GRXCR2: variants seen among roughly 807,000 people sequenced by gnomAD.
The protein encoded by GRXCR2 is glutaredoxin domain-containing cysteine-rich protein 2.
A neutral mutation model predicts 24.8 loss-of-function variants in GRXCR2; 23 were observed. That is an observed-to-expected ratio of 0.93 (90% CI 0.67 to 1.32). GRXCR2 has a LOEUF of 1.32. GRXCR2 is among the 40% of genes most tolerant of loss of function. The pLI is 0.00. For synonymous variants in GRXCR2, 130 were observed against 116.1 expected, an observed-to-expected ratio of 1.12 and a Z score of -0.77; for missense variants, 315 against 303.4, an observed-to-expected ratio of 1.04 and a Z score of -0.28.
intron 2 of GRXCR2, among the ~76,000 whole-genome samples, chr5:145,862,928 T>A (rs1485612672): frequency 4.6e-5 from 7 of 152,232 alleles, no homozygotes; most frequent in Non-Finnish European, 5.9e-5. Flanking sequence ...CTATCATGAG[T>A]CCTCAATAAA....
chr5:145,926,387 C>G (rs943026415), intron 2 of GRXCR2, among the ~76,000 whole-genome samples: 1 of 152,226 alleles, frequency 6.6e-6, no homozygotes, highest in African/African-American at 2.4e-5. Flanking sequence ...TTTAATCCAT[C>G]TTGAATTAAT....
upstream of GRXCR2, among the ~76,000 whole-genome samples, chr5:145,875,898 C>T (rs973671837): frequency 3.6e-4 from 54 of 151,692 alleles, no homozygotes; most frequent in African/African-American, 1.2e-3. Context: ...GCATGGTGGC[C>T]CACATCTGTA....
intron 2 of GRXCR2, among the ~76,000 whole-genome samples, chr5:145,905,097 C>T (rs1458975312): frequency 4.6e-5 from 7 of 152,126 alleles, no homozygotes; most frequent in Non-Finnish European, 4.4e-5. Flanking sequence ...AGAGTGATTA[C>T]CAAAAAGCAT....
intron 1 of GRXCR2, among the ~76,000 whole-genome samples, chr5:145,867,442 AT>A (rs1191628713): frequency 3.9e-5 from 6 of 152,186 alleles, no homozygotes; most frequent in South Asian, 2.1e-4. Flanking sequence ...GTTGCAACCT[AT>A]TTTTTCATTA....
At chr5:145,889,692 T>C (rs1464758463) in intron 2 of GRXCR2, among the ~76,000 whole-genome samples, 2 of 152,172 alleles carry the variant, frequency 1.3e-5, no homozygotes, top group African/African-American at 4.8e-5. Context: ...CACCAAAGCA[T>C]TGCATTAGCT....
chr5:145,920,555 G>A (rs1415564252), intron 2 of GRXCR2, among the ~76,000 whole-genome samples: 1 of 152,174 alleles, frequency 6.6e-6, no homozygotes, highest in Non-Finnish European at 1.5e-5. Context: ...ACCAGGATTG[G>A]AATGCAGGTC....
At chr5:145,871,804 T>G (rs923699272) in intron 1 of GRXCR2, among the ~76,000 whole-genome samples, 3 of 152,184 alleles carry the variant, frequency 2.0e-5, no homozygotes, top group African/African-American at 7.2e-5. Flanking sequence ...TGAGAACACA[T>G]CCTGGTGTGC....
Position 145,858,879 on chromosome 5 carries a change from A to T in GRXCR2, c.*854T>A. 1 of 152,194 alleles carries T rather than the reference A, an allele frequency of 6.6e-6. No homozygotes were observed. Among genetic ancestry groups the T allele is most frequent in the East Asian group, 1.9e-4 (1 of 5,192 alleles). The allele number at this position is 152,194 out of a possible 1,614,324, so 9.4% of individuals were successfully genotyped here. The stretch of plus-strand genomic sequence containing the variant: ...TAATTTTTTTCTTTTAGAGATTTCC[A>T]GTAGGTAATCTATAAAATACCTGCA... On this transcript the variant is annotated 3_prime_UTR_variant, in exon 3 of 3. Coordinates refer to ENST00000377976, the MANE Select transcript of GRXCR2 (RefSeq NM_001080516.2).
chr5:145,889,510 C>G (rs1006549335), intron 2 of GRXCR2, among the ~76,000 whole-genome samples: 1 of 152,142 alleles, frequency 6.6e-6, no homozygotes, highest in Non-Finnish European at 1.5e-5. Flanking sequence ...CTTTTGGGAA[C>G]TTCTGGGCAT....
chr5:145,875,770 T>G (rs1756603328), upstream of GRXCR2, among the ~76,000 whole-genome samples: 1 of 152,172 alleles, frequency 6.6e-6, no homozygotes, highest in South Asian at 2.1e-4. Flanking sequence ...GGACACACCA[T>G]CAATGAATCA....
At chr5:145,874,672 A>C (rs760198006), upstream of GRXCR2, among the ~76,000 whole-genome samples, 33 of 152,246 alleles carry the variant, frequency 2.2e-4, no homozygotes, top group Middle Eastern at 6.8e-3. Context: ...AGTCCAAAAC[A>C]ACAAATCCAC....
intron 2 of GRXCR2, among the ~76,000 whole-genome samples, chr5:145,920,871 A>G (rs76741181): frequency 0.056 from 8,507 of 152,326 alleles, 232 homozygotes; most frequent in Admixed American, 0.089. Flanking sequence ...AAAAAGGCCC[A>G]AGAAAAACCC....
intron 2 of GRXCR2, among the ~76,000 whole-genome samples, chr5:145,924,107 A>G (rs907494162): frequency 5.3e-5 from 8 of 152,088 alleles, no homozygotes; most frequent in Admixed American, 3.3e-4. Flanking sequence ...GCATGGAGAG[A>G]TGAACTGCCC....
chr5:145,876,216 T>G (rs574310524), upstream of GRXCR2, among the ~76,000 whole-genome samples: 1 of 133,912 alleles, frequency 7.5e-6, no homozygotes, highest in Non-Finnish European at 1.6e-5. Flanking sequence ...TATATATATA[T>G]ACACACACAC....
chr5:145,914,188 T>C (rs1757204140), intron 2 of GRXCR2, among the ~76,000 whole-genome samples: 1 of 152,108 alleles, frequency 6.6e-6, no homozygotes, highest in Non-Finnish European at 1.5e-5. Flanking sequence ...GCTTCCAGTA[T>C]AATTTAGTCA....
chr5:145,883,915 C>G (rs1756740465), intron 2 of GRXCR2, among the ~76,000 whole-genome samples: 1 of 152,164 alleles, frequency 6.6e-6, no homozygotes, highest in Non-Finnish European at 1.5e-5. Context: ...AATCCCTCAT[C>G]ACAAAATCTC....
intron 2 of GRXCR2, among the ~76,000 whole-genome samples, chr5:145,924,286 C>A (rs555731769): frequency 6.6e-6 from 1 of 152,118 alleles, no homozygotes; most frequent in Non-Finnish European, 1.5e-5. Context: ...AGCATAAAAA[C>A]GAAATGAGAT....
intron 2 of GRXCR2, among the ~76,000 whole-genome samples, chr5:145,862,957 T>C (rs562721346): frequency 6.6e-6 from 1 of 152,308 alleles, no homozygotes; most frequent in South Asian, 2.1e-4. Context: ...ATTATGATTA[T>C]GATTATGATG....
chr5:145,884,141 C>G (rs1561681789), intron 2 of GRXCR2, among the ~76,000 whole-genome samples: 1 of 151,862 alleles, frequency 6.6e-6, no homozygotes, highest in African/African-American at 2.4e-5. Flanking sequence ...GTATTCTGGA[C>G]AAAAATCTTC....
Sources: allele counts gnomAD v4.1 joint callset (sites outside exome capture counted in the v4.1 genomes callset), GRCh38; gene constraint gnomAD v4.1.1; transcripts MANE v1.5; gene names NCBI Gene and HGNC (gene_info 2026-07-23, HGNC 2026-07-21).